Variants in SOX6 observed in about 807,000 individuals in gnomAD.
SOX6 encodes the protein transcription factor SOX-6.
Under a neutral mutation model 97.8 loss-of-function variants are expected in SOX6, and 11 were observed. The observed-to-expected ratio is 0.11, with a 90% confidence interval of 0.07 to 0.19. SOX6 has a LOEUF of 0.19. SOX6 is among the 10% of genes least tolerant of loss of function. The pLI, the probability that SOX6 is intolerant of heterozygous loss-of-function variation, is 1.00. For synonymous variants in SOX6, 360 were observed against 371.4 expected, an observed-to-expected ratio of 0.97 and a Z score of 0.35; for missense variants, 810 against 1,039.5, an observed-to-expected ratio of 0.78 and a Z score of 3.04.
chr11:16,570,995 T>C (rs538325194), intron 4 of SOX6, among the ~76,000 whole-genome samples: 1 of 152,294 alleles, frequency 6.6e-6, no homozygotes, highest in Admixed American at 6.5e-5. Flanking sequence ...TCATACCAAA[T>C]ACTGTACTTT....
chr11:16,388,665 C>T (rs569501134), intron 1 of SOX6, among the ~76,000 whole-genome samples: 93 of 152,058 alleles, frequency 6.1e-4, no homozygotes, highest in Admixed American at 1.0e-3. Flanking sequence ...TACAGATATT[C>T]ACAATATTTT....
chr11:16,378,089 C>T (rs1046792271), intron 1 of SOX6, among the ~76,000 whole-genome samples: 10 of 152,192 alleles, frequency 6.6e-5, no homozygotes, highest in South Asian at 2.1e-4. Context: ...TAAAGTATTA[C>T]TCATGATAGA....
chr11:16,327,176 G>C (rs1161999240), intron 2 of SOX6, among the ~76,000 whole-genome samples: 1 of 152,066 alleles, frequency 6.6e-6, no homozygotes, highest in African/African-American at 2.4e-5. Context: ...AAAGTCAAGG[G>C]AATGGGAATT....
intron 10 of SOX6, among the ~76,000 whole-genome samples, chr11:16,055,523 G>C (rs1328015055): frequency 6.6e-6 from 1 of 152,060 alleles, no homozygotes; most frequent in Non-Finnish European, 1.5e-5. Flanking sequence ...GAAAACTCTC[G>C]AGAAGTGAGT....
chr11:16,447,414 G>A (rs576267225), intron 1 of SOX6, among the ~76,000 whole-genome samples: 1 of 151,224 alleles, frequency 6.6e-6, no homozygotes, highest in South Asian at 2.1e-4. Context: ...AGGATTAAGT[G>A]AGAAAATTAT....
intron 9 of SOX6, among the ~76,000 whole-genome samples, chr11:16,072,707 G>A (rs1848253865): frequency 6.6e-6 from 1 of 152,132 alleles, no homozygotes; most frequent in Non-Finnish European, 1.5e-5. Context: ...AGAAGGAGCA[G>A]GTAACCTCAA....
At chr11:16,477,463 A>G (rs1860274358), upstream of SOX6, among the ~76,000 whole-genome samples, 2 of 152,350 alleles carry the variant, frequency 1.3e-5, no homozygotes, top group Non-Finnish European at 2.9e-5. Context: ...TAAGATGAAT[A>G]TGAAATAAAT....
intron 3 of SOX6, among the ~76,000 whole-genome samples, chr11:16,271,077 T>A (rs565652146): frequency 6.6e-6 from 1 of 151,382 alleles, no homozygotes; most frequent in Admixed American, 6.6e-5. Flanking sequence ...ATTTATATTT[T>A]GAGTATTTTA....
chr11:16,139,285 ATAGT>A (rs963104777), intron 6 of SOX6, among the ~76,000 whole-genome samples: 1 of 152,084 alleles, frequency 6.6e-6, no homozygotes, highest in African/African-American at 2.4e-5. Context: ...CTCTCACCCA[ATAGT>A]TTTAGCATCC....
At chr11:16,708,757 C>T (rs760974472) in intron 3 of SOX6, among the ~76,000 whole-genome samples, 2 of 152,078 alleles carry the variant, frequency 1.3e-5, no homozygotes, top group East Asian at 1.9e-4. Context: ...AGACTTATAC[C>T]GGATAGCAAC....
intron 2 of SOX6, among the ~76,000 whole-genome samples, chr11:16,325,681 T>G (rs1342854554): frequency 1.3e-5 from 2 of 152,174 alleles, no homozygotes; most frequent in African/African-American, 4.8e-5. Flanking sequence ...TTCTAATAAA[T>G]CTAATTATTA....
intron 3 of SOX6, among the ~76,000 whole-genome samples, chr11:16,278,130 C>T (rs1379879957): frequency 6.6e-6 from 1 of 152,100 alleles, no homozygotes; most frequent in African/African-American, 2.4e-5. Flanking sequence ...CTTATCTCAA[C>T]CATTTAAAGA....
chr11:16,064,532 A>G (rs1168394604), intron 9 of SOX6, among the ~76,000 whole-genome samples: 3 of 149,440 alleles, frequency 2.0e-5, no homozygotes, highest in Admixed American at 2.0e-4. Context: ...ATATATATAT[A>G]TATGAAGCCA....
intron 12 of SOX6, among the ~76,000 whole-genome samples, chr11:16,040,009 T>C (rs1052044261): frequency 6.6e-6 from 1 of 151,982 alleles, no homozygotes; most frequent in African/African-American, 2.4e-5. Flanking sequence ...AGGTTAGGTC[T>C]ATAAAATCCT....
At chr11:16,481,856 C>T (rs1860349372) in intron 4 of SOX6, among the ~76,000 whole-genome samples, 1 of 151,968 alleles carries the variant, frequency 6.6e-6, no homozygotes, top group African/African-American at 2.4e-5. Flanking sequence ...GAAACTAAAA[C>T]TTTAAAGTTT....
intron 9 of SOX6, among the ~76,000 whole-genome samples, chr11:16,059,092 T>C (rs1564931036): frequency 6.6e-6 from 1 of 152,102 alleles, no homozygotes; most frequent in Non-Finnish European, 1.5e-5. Flanking sequence ...CTTTCTCTTT[T>C]TTACTAAGAC....
chr11:16,669,043 C>A (rs747431456), intron 3 of SOX6, among the ~76,000 whole-genome samples: 3 of 152,014 alleles, frequency 2.0e-5, no homozygotes, highest in East Asian at 1.9e-4. Flanking sequence ...GCAAATGGAC[C>A]AAATAGATAT....
At chr11:16,318,700 G>A (rs1465105595) in intron 2 of SOX6, 47 bp from the exon 3 acceptor site, 4 of 1,553,352 alleles carry the variant, frequency 2.6e-6, no homozygotes, top group Non-Finnish European at 3.5e-6. Context: ...ACGTTTCTTT[G>A]CATGCTACTG....
intron 4 of SOX6, among the ~76,000 whole-genome samples, chr11:16,483,878 T>C (rs552250033): frequency 6.6e-6 from 1 of 152,306 alleles, no homozygotes; most frequent in South Asian, 2.1e-4. Flanking sequence ...TCTCAGCAAA[T>C]GCATTCTGGT....
Sources: allele counts gnomAD v4.1 joint callset (sites outside exome capture counted in the v4.1 genomes callset), GRCh38; gene constraint gnomAD v4.1.1; transcripts MANE v1.5; gene names NCBI Gene and HGNC (gene_info 2026-07-23, HGNC 2026-07-21).